OPRM1: variants seen among roughly 807,000 people sequenced by gnomAD.
OPRM1 encodes the protein opioid receptor mu 1.
A neutral mutation model predicts 31.8 loss-of-function variants in OPRM1; 27 were observed. The observed-to-expected ratio is 0.85, with a 90% CI of 0.63 to 1.17. The LOEUF (loss-of-function observed/expected upper bound fraction) is 1.17. OPRM1 is among the 50% of genes most tolerant of loss of function. The probability of loss-of-function intolerance (pLI) is 0.00; values close to 1 mark genes in which losing one functional copy is unlikely to be tolerated. For synonymous variants in OPRM1, 196 were observed against 189.9 expected, an observed-to-expected ratio of 1.03 and a Z score of -0.26; for missense variants, 536 against 511.1, an observed-to-expected ratio of 1.05 and a Z score of -0.47.
intron 3 of OPRM1, chr6:154,200,031 G>A (rs919180455): frequency 1.9e-6 from 3 of 1,605,358 alleles, no homozygotes; most frequent in South Asian, 2.2e-5. Flanking sequence ...GAAGATGCCT[G>A]CTGTGCAGTC....
downstream of OPRM1, among the ~76,000 whole-genome samples, chr6:154,135,871 T>C (rs1798048334): frequency 6.6e-6 from 1 of 152,242 alleles, no homozygotes; most frequent in South Asian, 2.1e-4. Context: ...GAAAGGAAAG[T>C]ATACCCAAAA....
At chr6:154,211,302 G>A (rs1160570651) in intron 3 of OPRM1, among the ~76,000 whole-genome samples, 4 of 151,958 alleles carry the variant, frequency 2.6e-5, no homozygotes, top group African/African-American at 7.3e-5. Flanking sequence ...CCAGCTACTC[G>A]GGAGGCTGAG....
intron 3 of OPRM1, among the ~76,000 whole-genome samples, chr6:154,240,769 C>T (rs977714358): frequency 1.3e-5 from 2 of 152,194 alleles, no homozygotes; most frequent in African/African-American, 4.8e-5. Flanking sequence ...CTCATGCAGA[C>T]AGTTACTTCA....
chr6:154,095,530 C>T (rs1793212944), intron 3 of OPRM1, among the ~76,000 whole-genome samples: 1 of 152,140 alleles, frequency 6.6e-6, no homozygotes, highest in Non-Finnish European at 1.5e-5. Flanking sequence ...TCAGCCTTTG[C>T]TACTCTGATC....
At chr6:154,042,374 T>C (rs1048638999) in intron 1 of OPRM1, among the ~76,000 whole-genome samples, 1 of 152,220 alleles carries the variant, frequency 6.6e-6, no homozygotes, top group Non-Finnish European at 1.5e-5. Context: ...GGATATAATG[T>C]TGCATCTATT....
At chr6:154,107,738 T>C (rs12178678) in intron 3 of OPRM1, 5 of 718,436 alleles carry the variant, frequency 7.0e-6, no homozygotes, top group South Asian at 1.5e-5. Context: ...AGTTTTTTTG[T>C]TGGTTTCAGG....
At chr6:154,199,927 T>G in intron 3 of OPRM1, 1 of 1,614,226 alleles carries the variant, frequency 6.2e-7, no homozygotes, top group Non-Finnish European at 8.5e-7. Context: ...ATTGTCTCTC[T>G]TTAGATAAGG....
chr6:154,140,955 T>A (rs1041923240), intron 3 of OPRM1, among the ~76,000 whole-genome samples: 8 of 152,214 alleles, frequency 5.3e-5, no homozygotes, highest in African/African-American at 1.9e-4. Flanking sequence ...GACTCACGTA[T>A]GGCCCCAGCT....
At chr6:154,159,825 G>A (rs757793957) in intron 3 of OPRM1, 31 of 1,605,344 alleles carry the variant, frequency 1.9e-5, no homozygotes, top group Non-Finnish European at 2.1e-5. Flanking sequence ...CCCTGACTTT[G>A]TCTCAAATGG....
At chr6:154,028,467 C>T (rs900324347) in intron 1 of OPRM1, among the ~76,000 whole-genome samples, 30 of 152,188 alleles carry the variant, frequency 2.0e-4, no homozygotes, top group Admixed American at 7.9e-4. Flanking sequence ...GCCAGCTCTC[C>T]GTTAGCCACC....
At chr6:154,182,357 T>A (rs1413851658) in intron 3 of OPRM1, among the ~76,000 whole-genome samples, 1 of 152,206 alleles carries the variant, frequency 6.6e-6, no homozygotes, top group Non-Finnish European at 1.5e-5. Context: ...TATTGGGTGA[T>A]CTTTAATGGT....
intron 3 of OPRM1, among the ~76,000 whole-genome samples, chr6:154,100,096 T>TGATATATATCATGATATATATCA (rs1562472115): frequency 1.5e-5 from 1 of 66,834 alleles, no homozygotes; most frequent in Non-Finnish European, 2.9e-5. Context: ...TATTATCATA[T>TGATATATATCATGATATATATCA]TATGATATAT....
At chr6:154,138,151 C>T (rs1247712506) in intron 3 of OPRM1, among the ~76,000 whole-genome samples, 1 of 152,070 alleles carries the variant, frequency 6.6e-6, no homozygotes, top group Non-Finnish European at 1.5e-5. Flanking sequence ...GACTTACTAG[C>T]ATATTCTTAA....
intron 1 of OPRM1, among the ~76,000 whole-genome samples, chr6:154,017,972 C>T (rs1267786108): frequency 6.6e-6 from 1 of 152,172 alleles, no homozygotes; most frequent in Non-Finnish European, 1.5e-5. Context: ...AAGTGAGAGG[C>T]ACTGAACTCT....
At chr6:154,205,494 C>G (rs1218414344) in intron 3 of OPRM1, among the ~76,000 whole-genome samples, 3 of 152,114 alleles carry the variant, frequency 2.0e-5, no homozygotes, top group Non-Finnish European at 4.4e-5. Context: ...ACTTGGGAGG[C>G]TGAGGCAGGA....
chr6:154,210,332 T>C (rs535217988), intron 3 of OPRM1, among the ~76,000 whole-genome samples: 1 of 152,206 alleles, frequency 6.6e-6, no homozygotes, highest in Non-Finnish European at 1.5e-5. Flanking sequence ...GGGCACAGTG[T>C]GAGGGAGAAT....
intron 1 of OPRM1, among the ~76,000 whole-genome samples, chr6:154,076,873 C>T (rs1787984132): frequency 6.6e-6 from 1 of 151,938 alleles, no homozygotes; most frequent in South Asian, 2.1e-4. Flanking sequence ...TTTATTCATC[C>T]AACAAATATT....
chr6:154,170,893 C>T (rs1799817464), intron 3 of OPRM1, among the ~76,000 whole-genome samples: 1 of 152,098 alleles, frequency 6.6e-6, no homozygotes, highest in Non-Finnish European at 1.5e-5. Context: ...TTTTTAAAGA[C>T]AGGGTCTTGG....
At chr6:154,116,488 G>T (rs11752687) in intron 3 of OPRM1, among the ~76,000 whole-genome samples, 1 of 151,740 alleles carries the variant, frequency 6.6e-6, no homozygotes, top group Admixed American at 6.6e-5. Context: ...AGGAGGCTGA[G>T]GCATAAGAAT....
Sources: allele counts gnomAD v4.1 joint callset (sites outside exome capture counted in the v4.1 genomes callset), GRCh38; gene constraint gnomAD v4.1.1; transcripts MANE v1.5; gene names NCBI Gene and HGNC (gene_info 2026-07-23, HGNC 2026-07-21).